Variants in SLC6A20 observed in about 807,000 individuals in gnomAD.
SLC6A20 encodes solute carrier family 6 member 20.
In SLC6A20, 73 loss-of-function variants were observed where a neutral mutation model predicts 64.3. The ratio of observed to expected loss-of-function variants is 1.14; its 90% CI spans 0.94 to 1.38. SLC6A20 has a LOEUF of 1.38. Among genes scored for constraint, SLC6A20 ranks in the 40% most tolerant of loss-of-function variants. The pLI, the probability that SLC6A20 is intolerant of heterozygous loss-of-function variation, is 0.00. For synonymous variants in SLC6A20, 347 were observed against 329.6 expected, an observed-to-expected ratio of 1.05 and a Z score of -0.57; for missense variants, 725 against 772.8, an observed-to-expected ratio of 0.94 and a Z score of 0.73.
chr3:45,787,837 T>G (rs1275471756), intron 1 of SLC6A20, among the ~76,000 whole-genome samples: 4 of 152,202 alleles, frequency 2.6e-5, no homozygotes, highest in African/African-American at 9.6e-5. Context: ...AGGTGCTCAG[T>G]AAATGTTTGT....
chr3:45,770,921 A>T (rs1243794216), intron 6 of SLC6A20, among the ~76,000 whole-genome samples: 1 of 152,172 alleles, frequency 6.6e-6, no homozygotes, highest in Non-Finnish European at 1.5e-5. Context: ...TGGCTCAGCT[A>T]GAGGCTTCTT....
intron 9 of SLC6A20, among the ~76,000 whole-genome samples, chr3:45,760,701 A>G (rs1699661357): frequency 6.6e-6 from 1 of 152,234 alleles, no homozygotes. Flanking sequence ...CAGCAGCACA[A>G]CAGCAGCCAG....
chr3:45,780,222 C>T (rs1040322990), intron 2 of SLC6A20, 122 bp from the exon 3 acceptor site: 3 of 799,282 alleles, frequency 3.8e-6, no homozygotes, highest in Non-Finnish European at 6.1e-6. Context: ...GGCCTCCCTC[C>T]ACCAGGTTTG....
chr3:45,759,954 C>G lies in SLC6A20; in HGVS notation c.1532G>C (p.Gly511Ala). The G allele has an allele frequency of 6.2e-7, 1 of 1,614,176 alleles. No individual in the cohort carries two copies. Among genetic ancestry groups the G allele is most frequent in the Non-Finnish European group, 8.5e-7 (1 of 1,180,020 alleles). The change falls in exon 10 of 11, where the codon GGC (glycine) becomes GCC (alanine). Residue 511 changes from glycine to alanine, a missense_variant. Physicochemically the swap from Gly to Ala is moderately conservative, Grantham distance 60. Coordinates refer to ENST00000358525, the MANE Select transcript of SLC6A20 (RefSeq NM_020208.4). ...VSWYWKVMWA[G>A]VSPLLIVSLF... ...GCTGACAATCAGCAGTGGGCTTACG[C>G]CAGCCCACATCACCTTCCAGTACCA...
rs1333557967 is a variant in SLC6A20, at chr3:45,757,519, A to C, written c.*1459T>G. 1 of 152,322 alleles carries C rather than the reference A, an allele frequency of 6.6e-6. No homozygotes were observed. Among genetic ancestry groups the C allele is most frequent in the African/African-American group, 2.4e-5 (1 of 41,460 alleles). The allele number at this position is 152,322 out of a possible 1,614,324, so 9.4% of individuals were successfully genotyped here. On this transcript the variant is annotated 3_prime_UTR_variant, in exon 11 of 11. Coordinates refer to ENST00000358525, the MANE Select transcript of SLC6A20 (RefSeq NM_020208.4). Reference sequence around the variant, plus strand: ...TACAGCCTGCAAACATATTGTTAACAAGGCACATCCTGCACAGCCCTAAAT... The same window carrying C: ...TACAGCCTGCAAACATATTGTTAACCAGGCACATCCTGCACAGCCCTAAAT...
chr3:45,775,991 G>A lies in SLC6A20; in HGVS notation c.355-3C>T, dbSNP rs1178371164. ...CAGACAGACCACGGCAGGGGATCCT[G>A]TGGGACCAAAGCAAGTGTTATCCAG... On this transcript the variant is annotated splice_region_variant and splice_polypyrimidine_tract_variant and intron_variant, in intron 3 of 10. Coordinates refer to ENST00000358525, the MANE Select transcript of SLC6A20 (RefSeq NM_020208.4). The A allele has an allele frequency of 6.2e-7, 1 of 1,613,916 alleles. No homozygotes were observed. Among genetic ancestry groups the A allele is most frequent in the Non-Finnish European group, 8.5e-7 (1 of 1,179,894 alleles).
intron 1 of SLC6A20, among the ~76,000 whole-genome samples, chr3:45,785,557 G>A (rs1700156064): frequency 6.6e-6 from 1 of 151,506 alleles, no homozygotes; most frequent in South Asian, 2.1e-4. Flanking sequence ...TCAGCTTGCA[G>A]ACAGCCTATT....
intron 4 of SLC6A20, among the ~76,000 whole-genome samples, chr3:45,773,320 C>T (rs539021276): frequency 6.6e-5 from 10 of 152,330 alleles, no homozygotes; most frequent in Admixed American, 6.5e-5. Context: ...GGGTTTACTT[C>T]CTTAGGCTTT....
In SLC6A20 at chr3:45,756,740, C is replaced by T. The variant is rs948851957; in HGVS notation, c.*2238G>A. 1 of 152,156 alleles carries T rather than the reference C, an allele frequency of 6.6e-6. No individual in the cohort carries two copies. Among genetic ancestry groups the T allele is most frequent in the African/African-American group, 2.4e-5 (1 of 41,416 alleles). The allele number at this position is 152,156 out of a possible 1,614,324, so 9.4% of individuals were successfully genotyped here. A position where few individuals can be genotyped will look rare whatever the true frequency, so the allele number is the denominator to read the frequency against. ...GTTAGAGCAGGAAGGGACTCGCTCA[C>T]TTTAGGGGTAACGACCTACTTTATT... On this transcript the variant is annotated 3_prime_UTR_variant, in exon 11 of 11. Coordinates refer to ENST00000358525, the MANE Select transcript of SLC6A20 (RefSeq NM_020208.4).
chr3:45,780,195 C>T lies in SLC6A20; in HGVS notation c.263-95G>A, dbSNP rs2276857. 0.059 allele frequency: 73,630 copies of T among 1,253,740 alleles called. 2,661 individuals carry two copies. Among genetic ancestry groups the T allele is most frequent in the East Asian group, 0.15 (5,844 of 39,310 alleles). 77.7% of individuals were successfully genotyped at this position (1,253,740 alleles called of 1,614,324 possible). On this transcript the variant is annotated intron_variant, in intron 2 of 10. Transcript: ENST00000358525. Reference sequence around the variant, plus strand: ...GCTCCCAGGACACACCTGTGGCGACCGCCCCGGGGTGGGCGAGGCCTCCCT... The same window carrying T: ...GCTCCCAGGACACACCTGTGGCGACTGCCCCGGGGTGGGCGAGGCCTCCCT...
Position 45,757,792 on chromosome 3 carries a change from A to G in SLC6A20, c.*1186T>C, listed in dbSNP as rs9811206. 4,054 of 152,404 alleles carry G rather than the reference A, an allele frequency of 0.027. 191 individuals carry two copies. The highest frequency in any genetic ancestry group is 0.091 in the African/African-American group (3,762 of 41,514). 9.4% of individuals were successfully genotyped at this position (152,404 alleles called of 1,614,324 possible). On this transcript the variant is annotated 3_prime_UTR_variant, in exon 11 of 11. Coordinates refer to ENST00000358525, the MANE Select transcript of SLC6A20 (RefSeq NM_020208.4). Reference sequence around the variant, plus strand: ...AAGATGCTCTGTTTGAATTATATACATTTTAGAAAACTATGTACAGATGAA... The same window carrying G: ...AAGATGCTCTGTTTGAATTATATACGTTTTAGAAAACTATGTACAGATGAA...
chr3:45,777,918 T>C (rs1169814658), intron 3 of SLC6A20, among the ~76,000 whole-genome samples: 1 of 152,136 alleles, frequency 6.6e-6, no homozygotes, highest in Non-Finnish European at 1.5e-5. Context: ...ATTTCATCTG[T>C]TTGGGATAGG....
chr3:45,763,042 C>T lies in SLC6A20; in HGVS notation c.1334G>A (p.Gly445Asp). The stretch of plus-strand genomic sequence containing the variant: ...CCCAGCCTCCATCGTGAACACCATG[C>T]CAATGGCACAGTTGACAAGGCACAC... ...GLVCLVNCAIGMVFTMEAGNY... is the reference protein window; with the variant it reads ...GLVCLVNCAIDMVFTMEAGNY... Residue 445 changes from glycine to aspartate, a missense_variant, in exon 9 of 11, where the codon GGC becomes GAC. By Grantham distance (94) the Gly-to-Asp change is moderately conservative (BLOSUM62 -1). Coordinates refer to ENST00000358525, the MANE Select transcript of SLC6A20 (RefSeq NM_020208.4). The T allele has an allele frequency of 6.2e-7, 1 of 1,614,144 alleles. No homozygotes were observed. Among genetic ancestry groups the T allele is most frequent in the Non-Finnish European group, 8.5e-7 (1 of 1,180,026 alleles).
In SLC6A20 at chr3:45,758,486, T is replaced by C. The variant is rs1278187420; in HGVS notation, c.*492A>G. The C allele has an allele frequency of 9.7e-6, 12 of 1,232,550 alleles. No individual in the cohort carries two copies. Among genetic ancestry groups the C allele is most frequent in the South Asian group, 5.5e-5 (4 of 72,654 alleles). The allele number at this position is 1,232,550 out of a possible 1,614,324, so 76.4% of individuals were successfully genotyped here. ...AAAGGGTGGAAGGGGAACACAGAAA[T>C]TGCATATTCACTACAACTCAAAAAA... On this transcript the variant is annotated 3_prime_UTR_variant, in exon 11 of 11. Transcript: ENST00000358525.
At chr3:45,794,178 A>G (rs1055041054) in intron 1 of SLC6A20, among the ~76,000 whole-genome samples, 15 of 152,318 alleles carry the variant, frequency 9.8e-5, no homozygotes, top group African/African-American at 3.6e-4. Context: ...CCCAGCAACA[A>G]CAGCCTCTCA....
At chr3:45,788,794 C>T (rs1221556044) in intron 1 of SLC6A20, among the ~76,000 whole-genome samples, 2 of 152,136 alleles carry the variant, frequency 1.3e-5, no homozygotes, top group Non-Finnish European at 2.9e-5. Context: ...GAAAGCGAAC[C>T]ACCTATTTAC....
chr3:45,780,577 C>T (rs962856115), intron 2 of SLC6A20, among the ~76,000 whole-genome samples: 6 of 152,284 alleles, frequency 3.9e-5, no homozygotes, highest in East Asian at 1.9e-4. Context: ...GGCTCACCAG[C>T]GGTTGAGTCA....
chr3:45,794,244 A>G (rs1051656616), intron 1 of SLC6A20, among the ~76,000 whole-genome samples: 2 of 152,292 alleles, frequency 1.3e-5, no homozygotes, highest in Middle Eastern at 3.4e-3. Flanking sequence ...TGCTCATGGA[A>G]GTGTTTGGAA....
At chr3:45,763,884 C>T (rs1211120818) in intron 8 of SLC6A20, among the ~76,000 whole-genome samples, 2 of 152,206 alleles carry the variant, frequency 1.3e-5, no homozygotes, top group South Asian at 2.1e-4. Context: ...CCTGCTATCC[C>T]GACGGGGACA....
Sources: gnomAD v4.1 joint callset for allele counts (sites outside exome capture counted in the v4.1 genomes callset) on GRCh38, gnomAD v4.1.1 for gene constraint, MANE v1.5 for transcripts, NCBI Gene and HGNC (gene_info 2026-07-23, HGNC 2026-07-21) for gene names.